The following AGPAT4 variants were observed in gnomAD, a reference collection of about 807,000 sequenced individuals.
AGPAT4 encodes the protein 1-acyl-sn-glycerol-3-phosphate acyltransferase delta.
AGPAT4 carries 15 observed loss-of-function variants against 48.0 expected under a neutral mutation model. The observed-to-expected ratio is 0.31, with a 90% CI of 0.21 to 0.48. The LOEUF (loss-of-function observed/expected upper bound fraction) is 0.48. AGPAT4 is among the 20% of genes least tolerant of loss of function. The probability of loss-of-function intolerance (pLI) is 0.99; values close to 1 mark genes in which losing one functional copy is unlikely to be tolerated. For missense variants in AGPAT4, 314 were observed against 482.5 expected (o/e 0.65, Z 3.27); for synonymous variants, 178 against 198.7 (o/e 0.90, Z 0.88).
chr6:161,161,186 G>A lies in AGPAT4; in HGVS notation c.348+5062C>T, dbSNP rs1050249607. 9 of 456,612 alleles carry A rather than the reference G, an allele frequency of 2.0e-5. No individual in the cohort carries two copies. The highest frequency in any genetic ancestry group is 1.8e-4 in the African/African-American group (9 of 50,086). The allele number at this position is 456,612 out of a possible 1,614,324, so 28.3% of individuals were successfully genotyped here. On this transcript the variant is annotated intron_variant, in intron 3 of 8. Transcript: ENST00000320285. The surrounding 1 kb of genome is among the most constrained non-coding windows in gnomAD (Gnocchi z 4.6). ...CAGACTCTGGCTTGTTAAAGACACT[G>A]CCAGAGGATCCTGGTCAACAAAGAA... is the stretch of plus-strand genomic sequence containing the variant.
At chr6:161,151,687 A>G (rs372655608) in intron 5 of AGPAT4, among the ~76,000 whole-genome samples, 46 of 152,346 alleles carry the variant, frequency 3.0e-4, no homozygotes, top group African/African-American at 1.0e-3. Flanking sequence ...CTCGGAGCAA[A>G]CTTAGGATCA....
Position 161,136,404 on chromosome 6 carries a change from C to T in AGPAT4, c.*136G>A, listed in dbSNP as rs558238930. 6.7e-4 allele frequency: 472 copies of T among 700,088 alleles called. No homozygotes were observed. Among genetic ancestry groups the T allele is most frequent in the Non-Finnish European group, 7.5e-4 (304 of 406,838 alleles). The allele number at this position is 700,088 out of a possible 1,614,324, so 43.4% of individuals were successfully genotyped here. ...CCCATCCGGCCTTGAGACCAGACTC[C>T]CTGGCTGGAGAGGTCGTGACTTCCG... On this transcript the variant is annotated 3_prime_UTR_variant, in exon 9 of 9. Transcript: ENST00000320285.
intron 2 of AGPAT4, among the ~76,000 whole-genome samples, chr6:161,205,940 T>C (rs889324753): frequency 2.0e-5 from 3 of 151,816 alleles, no homozygotes; most frequent in Non-Finnish European, 2.9e-5. Context: ...ACACTACATA[T>C]AAAATAAACG....
In AGPAT4 at chr6:161,219,916, C is replaced by CAGGCAGGCAGGCGGCAGGCAGGCA. The variant is rs770490075; in HGVS notation, c.178+12119_178+12120insTGCCTGCCTGCCGCCTGCCTGCCT. Among the ~76,000 whole-genome samples the CAGGCAGGCAGGCGGCAGGCAGGCA allele has an allele frequency of 4.7e-5, 5 of 105,990 alleles. No individual in the cohort carries two copies. Among genetic ancestry groups the CAGGCAGGCAGGCGGCAGGCAGGCA allele is most frequent in the Admixed American group, 3.7e-4 (4 of 10,800 alleles). The allele number at this position is 105,990 out of a possible 152,430, so 69.5% of individuals were successfully genotyped here. A position where few individuals can be genotyped will look rare whatever the true frequency, so the allele number is the denominator to read the frequency against. ...GCAGGCAGGCAGGCAGGCAGGCAGG[C>CAGGCAGGCAGGCGGCAGGCAGGCA]GGCAGGCAGGCAGGCAGGCAGGCAG... On this transcript the variant is annotated intron_variant, in intron 2 of 8. Transcript: ENST00000320285. This position sits in a 1 kb window ranked among gnomAD's most constrained non-coding sequence, Gnocchi z 4.9.
At position 161,236,901 on chromosome 6, in the gene AGPAT4, C is replaced by T. The variant is rs2115040130; in HGVS notation, c.-89-4599G>A. On this transcript the variant is annotated intron_variant, in intron 1 of 8. Transcript: ENST00000320285. This position sits in a 1 kb window ranked among gnomAD's most constrained non-coding sequence, Gnocchi z 5.0. ...TGGGCGACAGAGTGAGACTCCATCT[C>T]AAACAAAATAAATAAATAAAAGGCA... Among the ~76,000 whole-genome samples, 1 of 152,182 alleles carries T rather than the reference C, an allele frequency of 6.6e-6. No homozygotes were observed. Among genetic ancestry groups the T allele is most frequent in the South Asian group, 2.1e-4 (1 of 4,804 alleles).
chr6:161,257,012 A>G (rs1782962655), intron 1 of AGPAT4, among the ~76,000 whole-genome samples: 1 of 152,256 alleles, frequency 6.6e-6, no homozygotes, highest in African/African-American at 2.4e-5. Flanking sequence ...GTGGAGGCAG[A>G]GGTCTTCACT....
Position 161,205,297 on chromosome 6 carries a change from G to A in AGPAT4, c.178+26739C>T, listed in dbSNP as rs561045461. Among the ~76,000 whole-genome samples the A allele has an allele frequency of 7.0e-4, 106 of 152,116 alleles. 1 individual carries two copies. The highest frequency in any genetic ancestry group is 1.3e-3 in the Non-Finnish European group (90 of 68,032). On this transcript the variant is annotated intron_variant, in intron 2 of 8. Coordinates refer to ENST00000320285, the MANE Select transcript of AGPAT4 (RefSeq NM_020133.3). ...CATGGTCAAAGAAACTCAAGCAGTGGAGCCAAATGGTGAGAACCAACCCAA... is the reference window on the plus strand; with the variant it reads ...CATGGTCAAAGAAACTCAAGCAGTGAAGCCAAATGGTGAGAACCAACCCAA...
At chr6:161,187,161 A>G (rs1780792568) in intron 2 of AGPAT4, among the ~76,000 whole-genome samples, 1 of 152,256 alleles carries the variant, frequency 6.6e-6, no homozygotes, top group African/African-American at 2.4e-5. Context: ...AAGGTTTGCA[A>G]AAGAACTGTG....
At position 161,217,069 on chromosome 6, in the gene AGPAT4, G is replaced by C. The variant is rs904862024; in HGVS notation, c.178+14967C>G. Among the ~76,000 whole-genome samples, 4 of 152,104 alleles carry C rather than the reference G, an allele frequency of 2.6e-5. No individual in the cohort carries two copies. Among genetic ancestry groups the C allele is most frequent in the African/African-American group, 9.7e-5 (4 of 41,426 alleles). The stretch of plus-strand genomic sequence containing the variant: ...GGCTTTCCTGTCCTTGTCAATTTCC[G>C]TTTAGGTGTTTTATCATTAGGGCCT... On this transcript the variant is annotated intron_variant, in intron 2 of 8. Transcript: ENST00000320285. This position sits in a 1 kb window ranked among gnomAD's most constrained non-coding sequence, Gnocchi z 4.9.
intron 1 of AGPAT4, among the ~76,000 whole-genome samples, chr6:161,256,472 G>A (rs1278950877): frequency 6.6e-6 from 1 of 152,246 alleles, no homozygotes; most frequent in African/African-American, 2.4e-5. Context: ...CACCAGCGCT[G>A]CTCTCTGCCG....
rs1203547882 is a variant in AGPAT4 at position 161,267,584 on chromosome 6, T to C, written c.-90+6354A>G. Among the ~76,000 whole-genome samples the C allele has an allele frequency of 6.6e-6, 1 of 151,920 alleles. No individual in the cohort carries two copies. Among genetic ancestry groups the C allele is most frequent in the Admixed American group, 6.6e-5 (1 of 15,244 alleles). On this transcript the variant is annotated intron_variant, in intron 1 of 8. Transcript: ENST00000320285. This position sits in a 1 kb window ranked among gnomAD's most constrained non-coding sequence, Gnocchi z 5.2. ...CACACGCAAAAAAATTAGCCAGGTG[T>C]GGTGGCGCACCCCTATAGTCCCAGC...
At position 161,228,988 on chromosome 6, in the gene AGPAT4, C is replaced by T. The variant is rs116454820; in HGVS notation, c.178+3048G>A. Among the ~76,000 whole-genome samples, 714 of 152,058 alleles carry T rather than the reference C, an allele frequency of 4.7e-3. 6 individuals carry two copies. The highest frequency in any genetic ancestry group is 0.016 in the African/African-American group (679 of 41,476). On this transcript the variant is annotated intron_variant, in intron 2 of 8. Coordinates refer to ENST00000320285, the MANE Select transcript of AGPAT4 (RefSeq NM_020133.3). ...GAATAAAATTCTCTGCTCAGTGTCT[C>T]GGTGTGTCCTGCTGTTAGCCAAGCT...
At position 161,206,988 on chromosome 6, in the gene AGPAT4, G is replaced by T. The variant is rs1249673036; in HGVS notation, c.178+25048C>A. Among the ~76,000 whole-genome samples, 1 of 152,274 alleles carries T rather than the reference G, an allele frequency of 6.6e-6. No homozygotes were observed. The highest frequency in any genetic ancestry group is 3.4e-3 in the Middle Eastern group (1 of 292). On this transcript the variant is annotated intron_variant, in intron 2 of 8. Coordinates refer to ENST00000320285, the MANE Select transcript of AGPAT4 (RefSeq NM_020133.3). The surrounding 1 kb of genome is among the most constrained non-coding windows in gnomAD (Gnocchi z 4.8). ...CTCATCTGGACAACAGAGAAAATAG[G>T]CTGAAAAATAGTCCTTTCAGTTATC...
intron 3 of AGPAT4, among the ~76,000 whole-genome samples, chr6:161,156,203 T>C (rs1263184723): frequency 6.6e-6 from 1 of 152,210 alleles, no homozygotes; most frequent in Non-Finnish European, 1.5e-5. Context: ...GGTTATGGTG[T>C]GTACCAGATC....
At chr6:161,172,800 C>A (rs1039463606) in intron 2 of AGPAT4, among the ~76,000 whole-genome samples, 2 of 152,062 alleles carry the variant, frequency 1.3e-5, no homozygotes, top group African/African-American at 2.4e-5. Context: ...CCCTTCCCCC[C>A]ACCCCACAAC....
chr6:161,219,476 A>C lies in AGPAT4; in HGVS notation c.178+12560T>G, dbSNP rs1005729395. Among the ~76,000 whole-genome samples, 1 of 152,066 alleles carries C rather than the reference A, an allele frequency of 6.6e-6. No individual in the cohort carries two copies. Among genetic ancestry groups the C allele is most frequent in the African/African-American group, 2.4e-5 (1 of 41,404 alleles). On this transcript the variant is annotated intron_variant, in intron 2 of 8. Coordinates refer to ENST00000320285, the MANE Select transcript of AGPAT4 (RefSeq NM_020133.3). This position sits in a 1 kb window ranked among gnomAD's most constrained non-coding sequence, Gnocchi z 4.9. ...TCTTGTTTACCTCCTGGAAATATCCACTGCACCATGAAGACCACACACGAT... is the reference window on the plus strand; with the variant it reads ...TCTTGTTTACCTCCTGGAAATATCCCCTGCACCATGAAGACCACACACGAT...
intron 2 of AGPAT4, among the ~76,000 whole-genome samples, chr6:161,185,810 A>C (rs776913186): frequency 5.1e-4 from 77 of 152,190 alleles, no homozygotes; most frequent in Admixed American, 1.5e-3. Context: ...AGACAAAGAC[A>C]AAAATGGCAT....
At position 161,240,229 on chromosome 6, in the gene AGPAT4, C is replaced by T. The variant is rs1257716297; in HGVS notation, c.-89-7927G>A. Among the ~76,000 whole-genome samples the T allele has an allele frequency of 2.5e-5, 1 of 40,816 alleles. No homozygotes were observed. Among genetic ancestry groups the T allele is most frequent in the African/African-American group, 1.1e-4 (1 of 9,088 alleles). 26.8% of individuals were successfully genotyped at this position (40,816 alleles called of 152,430 possible). A position where few individuals can be genotyped will look rare whatever the true frequency, so the allele number is the denominator to read the frequency against. On this transcript the variant is annotated intron_variant, in intron 1 of 8. Coordinates refer to ENST00000320285, the MANE Select transcript of AGPAT4 (RefSeq NM_020133.3). This position sits in a 1 kb window ranked among gnomAD's most constrained non-coding sequence, Gnocchi z 5.5. Reference sequence around the variant, plus strand: ...GCAGATATCTTTGTGTATACACACACACACACACACACACACACACACACA... The same window carrying T: ...GCAGATATCTTTGTGTATACACACATACACACACACACACACACACACACA...
Position 161,235,041 on chromosome 6 carries a change from G to A in AGPAT4, c.-89-2739C>T, listed in dbSNP as rs1562350775. Among the ~76,000 whole-genome samples the A allele has an allele frequency of 6.6e-6, 1 of 151,918 alleles. No homozygotes were observed. The highest frequency in any genetic ancestry group is 1.5e-5 in the Non-Finnish European group (1 of 68,020). The stretch of plus-strand genomic sequence containing the variant: ...TCAGACAAGGCTTGGTTTGTTTTGG[G>A]TCTTGAGTTTCAGCTCCACTTCTGT... On this transcript the variant is annotated intron_variant, in intron 1 of 8. Coordinates refer to ENST00000320285, the MANE Select transcript of AGPAT4 (RefSeq NM_020133.3). The surrounding 1 kb of genome is among the most constrained non-coding windows in gnomAD (Gnocchi z 6.2).
Sources: gnomAD v4.1 joint callset for allele counts (sites outside exome capture counted in the v4.1 genomes callset) on GRCh38, gnomAD v4.1.1 for gene constraint, Gnocchi (gnomAD v3.1) non-coding constraint, MANE v1.5 for transcripts, NCBI Gene and HGNC (gene_info 2026-07-23, HGNC 2026-07-21) for gene names.